WDR37: variants seen among roughly 807,000 people sequenced by gnomAD.
WDR37 encodes WD repeat domain 37.
In WDR37, 19 loss-of-function variants were observed where a neutral mutation model predicts 62.9. The ratio of observed to expected loss-of-function variants is 0.30; its 90% confidence interval spans 0.21 to 0.44. The LOEUF (loss-of-function observed/expected upper bound fraction) is 0.44. Among genes scored for constraint, WDR37 ranks in the 20% least tolerant of loss-of-function variants. The pLI is 1.00. For missense variants in WDR37, 474 were observed against 657.6 expected (o/e 0.72, Z 3.05); for synonymous variants, 250 against 260.9 (o/e 0.96, Z 0.40).
At chr10:1,077,001 A>G (rs536346018) in intron 2 of WDR37, among the ~76,000 whole-genome samples, 316 of 139,728 alleles carry the variant, frequency 2.3e-3, no homozygotes, top group Non-Finnish European at 4.1e-3. Context: ...CTCTGTCTCG[A>G]AAAAAAAAAA....
intron 9 of WDR37, among the ~76,000 whole-genome samples, chr10:1,098,516 T>C (rs1003223320): frequency 6.6e-6 from 1 of 152,094 alleles, no homozygotes; most frequent in African/African-American, 2.4e-5. Context: ...TTAGTAGAGA[T>C]GGGGTTTCAC....
At chr10:1,082,124 G>A (rs2131627527) in intron 5 of WDR37, among the ~76,000 whole-genome samples, 1 of 152,328 alleles carries the variant, frequency 6.6e-6, no homozygotes, top group African/African-American at 2.4e-5. Context: ...GACATCTGAA[G>A]ATTGAAGAAA....
At chr10:1,118,434 G>C (rs560247654) in intron 11 of WDR37, among the ~76,000 whole-genome samples, 1 of 145,366 alleles carries the variant, frequency 6.9e-6, no homozygotes, top group Non-Finnish European at 1.5e-5. Flanking sequence ...TCTGAGCTGC[G>C]TGCACTCAGC....
intron 11 of WDR37, among the ~76,000 whole-genome samples, chr10:1,106,127 T>C (rs11250265): frequency 0.29 from 44,232 of 152,032 alleles, 6,499 homozygotes; most frequent in African/African-American, 0.34. Flanking sequence ...TCCGTGACCG[T>C]CTCCTTCCCC....
At chr10:1,126,390 A>G (rs1201508372) in intron 13 of WDR37, among the ~76,000 whole-genome samples, 2 of 143,714 alleles carry the variant, frequency 1.4e-5, no homozygotes, top group East Asian at 2.0e-4. Flanking sequence ...TGGGCGACAG[A>G]GCGAGACTGT....
intron 7 of WDR37, among the ~76,000 whole-genome samples, chr10:1,088,502 G>A (rs1000333800): frequency 6.6e-6 from 1 of 152,136 alleles, no homozygotes; most frequent in Non-Finnish European, 1.5e-5. Flanking sequence ...CAGAGGGAGA[G>A]ATGAGAGAAA....
At chr10:1,127,129 G>C (rs1183407101) in intron 13 of WDR37, among the ~76,000 whole-genome samples, 1 of 152,204 alleles carries the variant, frequency 6.6e-6, no homozygotes, top group Non-Finnish European at 1.5e-5. Flanking sequence ...TTTGCATTTT[G>C]AAACACAAAT....
intron 1 of WDR37, among the ~76,000 whole-genome samples, chr10:1,069,887 C>G (rs1184385285): frequency 1.3e-5 from 2 of 152,066 alleles, no homozygotes; most frequent in Non-Finnish European, 2.9e-5. Context: ...TTTGCAACTT[C>G]CTGTGAATCT....
At chr10:1,127,904 A>G (rs1397608063) in intron 13 of WDR37, among the ~76,000 whole-genome samples, 2 of 152,186 alleles carry the variant, frequency 1.3e-5, no homozygotes, top group Non-Finnish European at 2.9e-5. Flanking sequence ...GCTCTGCCGG[A>G]GGTGAAAGCC....
chr10:1,080,347 C>G, intron 4 of WDR37, 65 bp from the exon 5 acceptor site: 1 of 1,591,910 alleles, frequency 6.3e-7, no homozygotes. Flanking sequence ...ACACAAGACC[C>G]ATTTGTGAGG....
intron 11 of WDR37, among the ~76,000 whole-genome samples, chr10:1,110,824 G>T (rs1170123358): frequency 1.3e-5 from 2 of 152,240 alleles, no homozygotes; most frequent in Non-Finnish European, 2.9e-5. Flanking sequence ...GGTGTCCAGC[G>T]TGTTAGCGCC....
chr10:1,083,115 G>A (rs1834083089), intron 5 of WDR37, among the ~76,000 whole-genome samples: 1 of 152,186 alleles, frequency 6.6e-6, no homozygotes, highest in African/African-American at 2.4e-5. Flanking sequence ...CTCCTAAAAT[G>A]TTACAATGTT....
At chr10:1,063,584 G>A (rs112178661) in intron 1 of WDR37, among the ~76,000 whole-genome samples, 13 of 152,274 alleles carry the variant, frequency 8.5e-5, no homozygotes, top group African/African-American at 2.4e-4. Flanking sequence ...AGGAGTTGGG[G>A]TTTTACTTCT....
rs547770981 is a variant in WDR37, at chr10:1,125,975, G to A, written c.1353+951G>A. On this transcript the variant is annotated intron_variant, in intron 13 of 13. Coordinates refer to ENST00000263150, the MANE Select transcript of WDR37 (RefSeq NM_014023.4). ...CACCCGCACAGATGCAGAGGCCCAG[G>A]GGGCCTGGGGGCCCGTGTTCAGATT... is the stretch of plus-strand genomic sequence containing the variant. Among the ~76,000 whole-genome samples, 24 of 152,310 alleles carry A rather than the reference G, an allele frequency of 1.6e-4. 1 individual carries two copies. The South Asian group carries it at 5.0e-3, about 32-fold the overall frequency.
At chr10:1,099,537 A>G (rs1475540143) in intron 9 of WDR37, among the ~76,000 whole-genome samples, 2 of 152,248 alleles carry the variant, frequency 1.3e-5, no homozygotes, top group African/African-American at 4.8e-5. Flanking sequence ...GTCCTAATAG[A>G]GGTTATCATA....
In WDR37 at chr10:1,124,010, T is replaced by C. The variant is rs544424277; in HGVS notation, c.1104-208T>C. ...GTGGAATAGAGTAGAATGGACTGTGTGTTTCTGATCCACTGGGAAGAAATC... is the reference window on the plus strand; with the variant it reads ...GTGGAATAGAGTAGAATGGACTGTGCGTTTCTGATCCACTGGGAAGAAATC... On this transcript the variant is annotated intron_variant, in intron 11 of 13. Coordinates refer to ENST00000263150, the MANE Select transcript of WDR37 (RefSeq NM_014023.4). 5.2e-5 allele frequency: 31 copies of C among 599,122 alleles called. No individual in the cohort carries two copies. The South Asian group carries it at 6.6e-4, about 13-fold the overall frequency. 37.1% of individuals were successfully genotyped at this position (599,122 alleles called of 1,614,324 possible).
intron 9 of WDR37, among the ~76,000 whole-genome samples, chr10:1,097,686 G>T (rs1185632414): frequency 3.3e-5 from 5 of 152,230 alleles, no homozygotes; most frequent in Non-Finnish European, 5.9e-5. Context: ...CATGCCTGGA[G>T]GGTGGCGCAT....
rs539457846 is a variant in WDR37 at position 1,080,700 on chromosome 10, G to A, written c.396+224G>A. Reference sequence around the variant, plus strand: ...GTGGATGGATCACTTGAGGTCAGGAGTTTGAGACCAGCTTGGACAACATGG... The same window carrying A: ...GTGGATGGATCACTTGAGGTCAGGAATTTGAGACCAGCTTGGACAACATGG... On this transcript the variant is annotated intron_variant, in intron 5 of 13. Coordinates refer to ENST00000263150, the MANE Select transcript of WDR37 (RefSeq NM_014023.4). Among the ~76,000 whole-genome samples, 72 of 152,308 alleles carry A rather than the reference G, an allele frequency of 4.7e-4. No homozygotes were observed. In the South Asian group the frequency reaches 5.6e-3, roughly 12 times the overall value.
In WDR37 at chr10:1,105,126, G is replaced by A. The variant is rs1834962318; in HGVS notation, c.962G>A (p.Gly321Glu). Residue 321 changes from glycine to glutamate, a missense_variant and splice_region_variant, in exon 11 of 14, where the codon GGG becomes GAG. By Grantham distance (98) the Gly-to-Glu change is moderately conservative (BLOSUM62 -2). Transcript: ENST00000263150. This position sits in a 1 kb window ranked among gnomAD's most constrained non-coding sequence, Gnocchi z 5.3. ...TTGTGTTTTGCCATCTTGGTTACAG[G>A]GCACGACCAGGAGTTGACGCACTGC... The part of the protein sequence containing the change: ...ETSELVHSLT[G>E]HDQELTHCCT... The A allele has an allele frequency of 6.2e-7, 1 of 1,613,918 alleles. No individual in the cohort carries two copies. The highest frequency in any genetic ancestry group is 8.5e-7 in the Non-Finnish European group (1 of 1,179,880).
Sources: gnomAD v4.1 joint callset for allele counts (sites outside exome capture counted in the v4.1 genomes callset) on GRCh38, gnomAD v4.1.1 for gene constraint, Gnocchi (gnomAD v3.1) non-coding constraint, MANE v1.5 for transcripts, NCBI Gene and HGNC (gene_info 2026-07-23, HGNC 2026-07-21) for gene names.